NTRK3: variants seen among roughly 807,000 people sequenced by gnomAD.
NTRK3 encodes NT-3 growth factor receptor.
Under a neutral mutation model 91.7 loss-of-function variants are expected in NTRK3, and 24 were observed. That is an observed-to-expected ratio of 0.26 (90% CI 0.19 to 0.37). The LOEUF is 0.37. Among genes scored for constraint, NTRK3 ranks in the 10% least tolerant of loss-of-function variants. The pLI, the probability that NTRK3 is intolerant of heterozygous loss-of-function variation, is 1.00. For missense variants in NTRK3, 880 were observed against 1,068.9 expected (o/e 0.82, Z 2.46); for synonymous variants, 483 against 404.0 (o/e 1.20, Z -2.34).
chr15:87,997,854 C>T (rs115416424), intron 14 of NTRK3, among the ~76,000 whole-genome samples: 105 of 152,266 alleles, frequency 6.9e-4, no homozygotes, highest in African/African-American at 2.5e-3. Flanking sequence ...GTGCAAATAG[C>T]TGTAGAATGA....
intron 14 of NTRK3, among the ~76,000 whole-genome samples, chr15:87,976,604 A>T (rs1306309863): frequency 6.6e-6 from 1 of 152,100 alleles, no homozygotes; most frequent in Non-Finnish European, 1.5e-5. Flanking sequence ...AGTTACAGGG[A>T]GCATTTCAAC....
exon 19 of NTRK3, chr15:87,868,255 C>T (rs529508046): frequency 8.7e-6 from 2 of 229,348 alleles, no homozygotes; most frequent in South Asian, 1.8e-4. Context: ...GCACGAGCAC[C>T]TAGAATAAAA....
chr15:88,112,123 G>A (rs930772068), intron 13 of NTRK3, among the ~76,000 whole-genome samples: 9 of 152,068 alleles, frequency 5.9e-5, no homozygotes, highest in Non-Finnish European at 1.3e-4. Context: ...AGCCAGGATG[G>A]TCTTGATCTC....
intron 3 of NTRK3, among the ~76,000 whole-genome samples, chr15:88,206,241 A>T (rs993327826): frequency 6.6e-6 from 1 of 150,400 alleles, no homozygotes; most frequent in Non-Finnish European, 1.5e-5. Context: ...GCTACTCAAG[A>T]GGCTGAGGCA....
chr15:87,918,661 T>C (rs141945172), intron 17 of NTRK3, among the ~76,000 whole-genome samples: 168 of 152,344 alleles, frequency 1.1e-3, no homozygotes, highest in Non-Finnish European at 1.8e-3. Context: ...TTTTTATCTG[T>C]TCTTATATTC....
At chr15:87,981,253 C>CGGA in intron 14 of NTRK3, 1 of 1,593,004 alleles carries the variant, frequency 6.3e-7, no homozygotes, top group Non-Finnish European at 8.6e-7. Flanking sequence ...GACACTTCCC[C>CGGA]ACTCTGGACC....
At chr15:88,022,857 C>T (rs571915173) in intron 14 of NTRK3, among the ~76,000 whole-genome samples, 22 of 152,290 alleles carry the variant, frequency 1.4e-4, no homozygotes, top group Non-Finnish European at 2.4e-4. Context: ...TGACTGCATG[C>T]AGCTACTAAC....
At chr15:88,165,400 C>G (rs2044840052) in intron 5 of NTRK3, among the ~76,000 whole-genome samples, 1 of 152,188 alleles carries the variant, frequency 6.6e-6, no homozygotes, top group Non-Finnish European at 1.5e-5. Context: ...TAGACCTGCA[C>G]TACTGCTATG....
intron 17 of NTRK3, among the ~76,000 whole-genome samples, chr15:87,913,761 T>C (rs1025887510): frequency 2.0e-5 from 3 of 152,196 alleles, no homozygotes; most frequent in South Asian, 2.1e-4. Flanking sequence ...GAAAATACAA[T>C]TGGCCTCTTT....
At chr15:87,882,003 C>T (rs1319625107) in intron 17 of NTRK3, among the ~76,000 whole-genome samples, 1 of 152,130 alleles carries the variant, frequency 6.6e-6, no homozygotes, top group Non-Finnish European at 1.5e-5. Context: ...TCAAGCGATT[C>T]CCCTGCCTTA....
At chr15:87,864,790 C>T (rs575793769) in exon 19 of NTRK3, 14 of 229,326 alleles carry the variant, frequency 6.1e-5, no homozygotes, top group South Asian at 3.7e-4. Flanking sequence ...GTCTCAAAAG[C>T]GGCTCTCAGT....
chr15:88,157,623 A>G (rs2151404671), intron 5 of NTRK3, among the ~76,000 whole-genome samples: 1 of 151,174 alleles, frequency 6.6e-6, no homozygotes, highest in South Asian at 2.1e-4. Context: ...TGAGGAGCAC[A>G]CTCAGAACCT....
chr15:87,996,925 A>G (rs995966942), intron 14 of NTRK3, among the ~76,000 whole-genome samples: 29 of 152,336 alleles, frequency 1.9e-4, no homozygotes, highest in African/African-American at 5.8e-4. Flanking sequence ...TTATCCCCCA[A>G]ATGCACTCAC....
At chr15:88,102,564 T>C (rs1431519947) in intron 13 of NTRK3, among the ~76,000 whole-genome samples, 1 of 152,158 alleles carries the variant, frequency 6.6e-6, no homozygotes, top group Middle Eastern at 3.2e-3. Context: ...ATATCCCAGT[T>C]ACCCTGATTT....
intron 11 of NTRK3, among the ~76,000 whole-genome samples, chr15:88,127,543 G>A (rs2053420146): frequency 6.6e-6 from 1 of 152,172 alleles, no homozygotes; most frequent in South Asian, 2.1e-4. Context: ...ATGAGCTATA[G>A]AACAGAAAAA....
intron 17 of NTRK3, among the ~76,000 whole-genome samples, chr15:87,880,961 G>C (rs538791744): frequency 2.0e-5 from 3 of 152,194 alleles, no homozygotes; most frequent in Non-Finnish European, 2.9e-5. Flanking sequence ...TTCCAAAAGC[G>C]TGGAAGACCA....
intron 14 of NTRK3, among the ~76,000 whole-genome samples, chr15:88,022,014 C>T (rs2077631602): frequency 6.6e-6 from 1 of 152,090 alleles, no homozygotes; most frequent in South Asian, 2.1e-4. Context: ...TGGGAAGTAA[C>T]CCTAAGCCCT....
chr15:87,958,905 A>G (rs1287223965), intron 14 of NTRK3, among the ~76,000 whole-genome samples: 2 of 152,154 alleles, frequency 1.3e-5, no homozygotes, highest in African/African-American at 4.8e-5. Flanking sequence ...ACCCAAGTTA[A>G]GAGTAACAGC....
chr15:88,004,145 C>A (rs560670551), intron 14 of NTRK3, among the ~76,000 whole-genome samples: 7 of 152,232 alleles, frequency 4.6e-5, no homozygotes, highest in African/African-American at 1.4e-4. Context: ...CCTGGTGGAG[C>A]TTTAGAGCTT....
Sources: gnomAD v4.1 joint callset for allele counts (sites outside exome capture counted in the v4.1 genomes callset) on GRCh38, gnomAD v4.1.1 for gene constraint, MANE v1.5 for transcripts, NCBI Gene and HGNC (gene_info 2026-07-23, HGNC 2026-07-21) for gene names.